The following TPRX1 variants were observed in gnomAD, a reference collection of about 807,000 sequenced individuals.
TPRX1 encodes tetrapeptide repeat homeobox 1, also known as tetra-peptide repeat homeobox protein 1.
In TPRX1, 2 loss-of-function variants were observed where a neutral mutation model predicts 8.1. That is an observed-to-expected ratio of 0.25 (90% CI 0.10 to 0.78). The LOEUF (loss-of-function observed/expected upper bound fraction) is 0.78, where lower values mean the gene tolerates loss of function less well. Ranked by LOEUF, TPRX1 falls within the 30% of genes least tolerant of loss-of-function variation. The pLI, the probability that TPRX1 is intolerant of heterozygous loss-of-function variation, is 0.70. For synonymous variants in TPRX1, 257 were observed against 254.1 expected (o/e 1.01, Z -0.11); for missense variants, 517 against 586.9 (o/e 0.88, Z 1.23).
exon 4 of TPRX1, chr19:47,802,956 T>C (rs1283946823): frequency 2.6e-6 from 4 of 1,554,904 alleles, no homozygotes; most frequent in Non-Finnish European, 3.5e-6. Flanking sequence ...CGAGCTAGTT[T>C]GGCGCGGCGA....
chr19:47,815,114 T>TTATATATATATATATATATATATATA (rs548380113), intron 2 of TPRX1, among the ~76,000 whole-genome samples: 5 of 63,386 alleles, frequency 7.9e-5, no homozygotes, highest in East Asian at 3.9e-4. Flanking sequence ...AATAGATAAA[T>TTATATATATATATATATATATATATA]TATATATATA....
intron 2 of TPRX1, among the ~76,000 whole-genome samples, chr19:47,817,860 A>G (rs1967858295): frequency 6.6e-6 from 1 of 152,220 alleles, no homozygotes; most frequent in Admixed American, 6.5e-5. Flanking sequence ...CTCCCGACTC[A>G]GCCATGTTCA....
At chr19:47,815,307 A>G (rs1233487424) in intron 2 of TPRX1, among the ~76,000 whole-genome samples, 1 of 146,348 alleles carries the variant, frequency 6.8e-6, no homozygotes, top group Non-Finnish European at 1.5e-5. Flanking sequence ...GGCGTGCAAC[A>G]CCATGCCCGG....
intron 2 of TPRX1, chr19:47,818,347 TC>T (rs1243978442): frequency 1.6e-5 from 5 of 319,356 alleles, no homozygotes; most frequent in African/African-American, 7.7e-5. Flanking sequence ...CCATCATCCA[TC>T]CATCCATCCA....
rs1967716802 is a variant in TPRX1 at position 47,804,558 on chromosome 19, C to T, written c.152-885G>A. Among the ~76,000 whole-genome samples the T allele has an allele frequency of 6.6e-6, 1 of 152,190 alleles. No individual in the cohort carries two copies. The highest frequency in any genetic ancestry group is 1.5e-5 in the Non-Finnish European group (1 of 68,036). On this transcript the variant is annotated intron_variant, in intron 2 of 3. Coordinates refer to ENST00000535759, the Ensembl canonical transcript of TPRX1. Reference sequence around the variant, plus strand: ...CTTGCATCCTGAGTCCTGATCTGTTCCCAAACACAAGTGTGTACTGACAAG... The same window carrying T: ...CTTGCATCCTGAGTCCTGATCTGTTTCCAAACACAAGTGTGTACTGACAAG...
chr19:47,808,513 C>T (rs1015528066), intron 2 of TPRX1, among the ~76,000 whole-genome samples: 6 of 151,992 alleles, frequency 3.9e-5, no homozygotes, highest in African/African-American at 1.4e-4. Context: ...GATATCGGCT[C>T]ACTGCAACCT....
intron 2 of TPRX1, among the ~76,000 whole-genome samples, chr19:47,816,798 C>T (rs939086404): frequency 1.8e-4 from 28 of 152,196 alleles, no homozygotes; most frequent in African/African-American, 6.8e-4. Context: ...TCCCAAAGTG[C>T]TGGGATTACA....
intron 2 of TPRX1, among the ~76,000 whole-genome samples, chr19:47,817,450 G>C (rs139357609): frequency 1.3e-5 from 2 of 152,326 alleles, no homozygotes; most frequent in Non-Finnish European, 2.9e-5. Flanking sequence ...TGATCACCAG[G>C]TGATATGGCC....
At chr19:47,812,096 C>T (rs1456665087) in intron 2 of TPRX1, among the ~76,000 whole-genome samples, 1 of 150,844 alleles carries the variant, frequency 6.6e-6, no homozygotes, top group African/African-American at 2.4e-5. Flanking sequence ...GAACTCCTGA[C>T]CTCAGGTGAT....
chr19:47,815,153 TATATA>T (rs1568617426), intron 2 of TPRX1, among the ~76,000 whole-genome samples: 14 of 84,856 alleles, frequency 1.6e-4, no homozygotes, highest in African/African-American at 5.6e-4. Flanking sequence ...TGCAAATATA[TATATA>T]TATATTTTTT....
At chr19:47,813,697 C>A (rs1013942135) in intron 2 of TPRX1, among the ~76,000 whole-genome samples, 4 of 150,894 alleles carry the variant, frequency 2.7e-5, no homozygotes, top group Admixed American at 2.0e-4. Flanking sequence ...GTGTCTACCC[C>A]CTTCCAGGGT....
At chr19:47,818,321 CCATCCATCCATCCATCCAT>C (rs1967866286) in intron 2 of TPRX1, 6 of 304,992 alleles carry the variant, frequency 2.0e-5, no homozygotes, top group East Asian at 2.0e-4. Flanking sequence ...ACCCATCCAT[CCATCCATCCATCCATCCAT>C]CATCCATCCA....
At position 47,805,881 on chromosome 19, in the gene TPRX1, C is replaced by A. The variant is rs553952200; in HGVS notation, c.152-2208G>T. 3.3e-5 allele frequency among the ~76,000 whole-genome samples: 5 copies of A among 152,228 alleles called. No individual in the cohort carries two copies. In the South Asian group the frequency reaches 1.0e-3, roughly 32 times the overall value. On this transcript the variant is annotated intron_variant, in intron 2 of 3. Coordinates refer to ENST00000535759, the Ensembl canonical transcript of TPRX1. ...TCACGGCAGCATGATTCACTATCGCCCAAAAGGAGAAAATGCTGAAAACAT... is the reference window on the plus strand; with the variant it reads ...TCACGGCAGCATGATTCACTATCGCACAAAAGGAGAAAATGCTGAAAACAT...
In TPRX1 at chr19:47,809,307, GTCTC is replaced by G. The variant is rs1466736098; in HGVS notation, c.152-5638_152-5635del. On this transcript the variant is annotated intron_variant, in intron 2 of 3. Transcript: ENST00000535759. ...TCTTTCCTTTTTTTTTGGAGACAGGGTCTCTCTCTATCACCCAGGCTGCGTTGCA... is the reference window on the plus strand; with the variant it reads ...TCTTTCCTTTTTTTTTGGAGACAGGGTCTCTATCACCCAGGCTGCGTTGCA... Among the ~76,000 whole-genome samples, 3 of 151,576 alleles carry G rather than the reference GTCTC, an allele frequency of 2.0e-5. No individual in the cohort carries two copies. In the East Asian group the frequency reaches 5.8e-4, roughly 29 times the overall value.
chr19:47,804,726 C>T (rs1376704119), intron 2 of TPRX1, among the ~76,000 whole-genome samples, 175 bp from the exon 1 acceptor site: 1 of 152,186 alleles, frequency 6.6e-6, no homozygotes, highest in East Asian at 1.9e-4. Context: ...CAGGTACTGC[C>T]TGCTGAGCTG....
chr19:47,803,863 G>A (rs908150350), intron 2 of TPRX1, among the ~76,000 whole-genome samples, 190 bp from the exon 2 acceptor site: 1 of 151,858 alleles, frequency 6.6e-6, no homozygotes, highest in Non-Finnish European at 1.5e-5. Flanking sequence ...GGAAATAGGC[G>A]CGATAACAGC....
intron 2 of TPRX1, among the ~76,000 whole-genome samples, 62 bp from the exon 1 acceptor site, chr19:47,804,613 TGCCCACCCTG>T (rs1297174097): frequency 6.6e-6 from 1 of 152,196 alleles, no homozygotes; most frequent in East Asian, 1.9e-4. Context: ...TTCTCTGCTG[TGCCCACCCTG>T]GCCCACCCTG....
chr19:47,814,125 C>T (rs1342246821), intron 2 of TPRX1, among the ~76,000 whole-genome samples: 4 of 150,140 alleles, frequency 2.7e-5, no homozygotes, highest in Non-Finnish European at 4.4e-5. Context: ...GGTGTGATCT[C>T]GGCTGACTGA....
intron 2 of TPRX1, among the ~76,000 whole-genome samples, chr19:47,815,585 GA>G (rs1342451189): frequency 7.0e-6 from 1 of 143,794 alleles, no homozygotes; most frequent in East Asian, 2.0e-4. Flanking sequence ...CAGGCAGGAG[GA>G]TCACTTGAGA....
Sources: allele counts gnomAD v4.1 joint callset (sites outside exome capture counted in the v4.1 genomes callset), GRCh38; gene constraint gnomAD v4.1.1; transcripts MANE v1.5; gene names NCBI Gene and HGNC (gene_info 2026-07-23, HGNC 2026-07-21).